The following C7orf78 variants were observed in gnomAD, a reference collection of about 807,000 sequenced individuals.
C7orf78 encodes chromosome 7 open reading frame 78.
chr7:12,498,694 G>C, the C7orf78 span, among the ~76,000 whole-genome samples: 1 of 151,760 alleles, frequency 6.6e-6, no homozygotes, highest in African/African-American at 2.4e-5. Flanking sequence ...CCCCAATCTA[G>C]CAAGGCAGGC....
the C7orf78 span, among the ~76,000 whole-genome samples, chr7:12,498,296 T>A: frequency 3.2e-3 from 487 of 151,040 alleles, 2 homozygotes; most frequent in African/African-American, 0.012. Context: ...GAGCTACGGG[T>A]GGACATTCAA....
the C7orf78 span, among the ~76,000 whole-genome samples, chr7:12,498,934 A>G: frequency 6.6e-6 from 1 of 151,952 alleles, no homozygotes; most frequent in African/African-American, 2.4e-5. Flanking sequence ...AATATTCAAC[A>G]TTCTTAAAGA....
the C7orf78 span, chr7:12,528,790 C>G: frequency 7.6e-6 from 3 of 395,520 alleles, no homozygotes; most frequent in Admixed American, 4.4e-5. Flanking sequence ...TATAAATTAT[C>G]CAGCGACTTA....
the C7orf78 span, among the ~76,000 whole-genome samples, chr7:12,487,926 A>C: frequency 3.3e-5 from 5 of 152,166 alleles, no homozygotes; most frequent in East Asian, 9.6e-4. Flanking sequence ...CATAATATCA[A>C]TATTTAAAGT....
chr7:12,528,841 A>T, the C7orf78 span: 1 of 397,518 alleles, frequency 2.5e-6, no homozygotes, highest in African/African-American at 2.1e-5. Flanking sequence ...TACATCTGAG[A>T]GACATCATGA....
chr7:12,502,960 A>T, the C7orf78 span, among the ~76,000 whole-genome samples: 1 of 151,376 alleles, frequency 6.6e-6, no homozygotes. Flanking sequence ...GGAAGTCATC[A>T]TTCTCACTAA....
the C7orf78 span, among the ~76,000 whole-genome samples, chr7:12,490,880 A>G: frequency 2.0e-5 from 3 of 152,010 alleles, no homozygotes; most frequent in African/African-American, 7.2e-5. Context: ...TCAGATTTGC[A>G]TTGCTCCAGT....
chr7:12,526,127 T>G, the C7orf78 span, among the ~76,000 whole-genome samples: 1 of 152,104 alleles, frequency 6.6e-6, no homozygotes, highest in Non-Finnish European at 1.5e-5. Flanking sequence ...CAATGTCTCA[T>G]GTATAGAGAA....
chr7:12,502,632 G>T, the C7orf78 span, among the ~76,000 whole-genome samples: 1 of 152,068 alleles, frequency 6.6e-6, no homozygotes, highest in African/African-American at 2.4e-5. Context: ...TACATTGTTG[G>T]TGGGACTGTA....
chr7:12,516,097 A>T, the C7orf78 span, among the ~76,000 whole-genome samples: 2 of 152,222 alleles, frequency 1.3e-5, no homozygotes, highest in Non-Finnish European at 2.9e-5. Context: ...ATGTCTTCAC[A>T]GCAGACCCTC....
At chr7:12,537,825 G>C in the C7orf78 span, among the ~76,000 whole-genome samples, 1 of 152,110 alleles carries the variant, frequency 6.6e-6, no homozygotes, top group Admixed American at 6.6e-5. Flanking sequence ...ACAAAATGTT[G>C]CTATATGCAA....
chr7:12,525,372 T>C, the C7orf78 span, among the ~76,000 whole-genome samples: 49 of 152,228 alleles, frequency 3.2e-4, 1 homozygote, highest in Middle Eastern at 3.4e-3. Flanking sequence ...TTATTTAGCT[T>C]TGTTCAATGT....
At chr7:12,525,444 T>C in the C7orf78 span, among the ~76,000 whole-genome samples, 1 of 152,130 alleles carries the variant, frequency 6.6e-6, no homozygotes, top group African/African-American at 2.4e-5. Flanking sequence ...CTATGTGTCA[T>C]AAATTACAAT....
chr7:12,522,244 T>G, the C7orf78 span, among the ~76,000 whole-genome samples: 1 of 152,108 alleles, frequency 6.6e-6, no homozygotes, highest in South Asian at 2.1e-4. Context: ...TATTTCTACT[T>G]CACCAAATAT....
At chr7:12,484,543 C>G in the C7orf78 span, among the ~76,000 whole-genome samples, 2 of 152,036 alleles carry the variant, frequency 1.3e-5, no homozygotes, top group East Asian at 3.9e-4. Context: ...TAATTCTACC[C>G]TATTTGGTTA....
chr7:12,515,112 T>C, the C7orf78 span, among the ~76,000 whole-genome samples: 35 of 152,296 alleles, frequency 2.3e-4, 1 homozygote, highest in African/African-American at 8.2e-4. Context: ...GTGCCTTCGC[T>C]AACACTATGT....
At chr7:12,505,172 A>C in the C7orf78 span, among the ~76,000 whole-genome samples, 1 of 152,026 alleles carries the variant, frequency 6.6e-6, no homozygotes, top group African/African-American at 2.4e-5. Flanking sequence ...ATATGATTAG[A>C]TGTTTGGGTT....
At chr7:12,498,486 A>G in the C7orf78 span, among the ~76,000 whole-genome samples, 2 of 151,876 alleles carry the variant, frequency 1.3e-5, no homozygotes, top group Non-Finnish European at 2.9e-5. Flanking sequence ...GGGTATCAGC[A>G]ATGGAAGATG....
chr7:12,523,638 C>G, the C7orf78 span, among the ~76,000 whole-genome samples: 3 of 152,030 alleles, frequency 2.0e-5, no homozygotes, highest in African/African-American at 4.8e-5. Flanking sequence ...CTGATTGATT[C>G]TGATGAGGTT....
Sources: gnomAD v4.1 joint callset for allele counts (sites outside exome capture counted in the v4.1 genomes callset) on GRCh38, gnomAD v4.1.1 for gene constraint, MANE v1.5 for transcripts, NCBI Gene and HGNC (gene_info 2026-07-23, HGNC 2026-07-21) for gene names.